ITGB3BP: variants seen among roughly 807,000 people sequenced by gnomAD.
ITGB3BP encodes the protein integrin subunit beta 3 binding protein, also known as centromere protein R.
Under a neutral mutation model 29.1 loss-of-function variants are expected in ITGB3BP, and 27 were observed. The ratio of observed to expected loss-of-function variants is 0.93; its 90% confidence interval spans 0.68 to 1.28. The LOEUF (loss-of-function observed/expected upper bound fraction) is 1.28, where lower values mean the gene tolerates loss of function less well. ITGB3BP is among the 50% of genes most tolerant of loss of function. The pLI, the probability that ITGB3BP is intolerant of heterozygous loss-of-function variation, is 0.00. For synonymous variants in ITGB3BP, 61 were observed against 61.4 expected (o/e 0.99, Z 0.03); for missense variants, 192 against 200.2 (o/e 0.96, Z 0.25).
At chr1:63,459,409 G>A (rs977794573) in intron 4 of ITGB3BP, among the ~76,000 whole-genome samples, 7 of 152,098 alleles carry the variant, frequency 4.6e-5, no homozygotes, top group African/African-American at 1.7e-4. Flanking sequence ...GCATTAAAAT[G>A]TACATAACAG....
At chr1:63,450,137 G>C (rs1220057074) in intron 7 of ITGB3BP, among the ~76,000 whole-genome samples, 1 of 151,828 alleles carries the variant, frequency 6.6e-6, no homozygotes, top group Non-Finnish European at 1.5e-5. Context: ...AAGAATACAG[G>C]AACATTGTAG....
intron 3 of ITGB3BP, among the ~76,000 whole-genome samples, chr1:63,483,245 A>G (rs939129579): frequency 1.5e-4 from 23 of 152,304 alleles, no homozygotes; most frequent in Admixed American, 3.3e-4. Flanking sequence ...TTAAAAGCTG[A>G]AAAGTATTTA....
At chr1:63,513,219 G>A (rs2100796435) in intron 1 of ITGB3BP, among the ~76,000 whole-genome samples, 2 of 152,188 alleles carry the variant, frequency 1.3e-5, no homozygotes, top group South Asian at 4.1e-4. Context: ...TTATTAGTTA[G>A]CATTACATTC....
intron 3 of ITGB3BP, 34 bp downstream of exon 3, chr1:63,490,049 C>A: frequency 1.9e-6 from 3 of 1,584,750 alleles, no homozygotes; most frequent in African/African-American, 1.4e-5. Context: ...ACTAGAAAAA[C>A]CTTACAATAA....
intron 1 of ITGB3BP, among the ~76,000 whole-genome samples, chr1:63,518,779 T>C (rs994917589): frequency 3.9e-5 from 6 of 152,264 alleles, no homozygotes; most frequent in Non-Finnish European, 8.8e-5. Context: ...TCTGTTTTTG[T>C]TCCTTTGTTC....
intron 1 of ITGB3BP, among the ~76,000 whole-genome samples, chr1:63,515,823 C>CT (rs1405993203): frequency 4.9e-5 from 3 of 61,396 alleles, no homozygotes; most frequent in African/African-American, 7.1e-5. Context: ...AAGACTCCAA[C>CT]TTAAAAAAAA....
upstream of ITGB3BP, among the ~76,000 whole-genome samples, chr1:63,525,023 T>G (rs1646560197): frequency 6.6e-6 from 1 of 152,236 alleles, no homozygotes; most frequent in South Asian, 2.1e-4. Context: ...ATCTTGTTGA[T>G]CCTGCTGTGG....
intron 4 of ITGB3BP, among the ~76,000 whole-genome samples, chr1:63,460,263 A>G (rs767239375): frequency 8.5e-5 from 13 of 152,196 alleles, no homozygotes; most frequent in Non-Finnish European, 1.6e-4. Flanking sequence ...TTCTATTACT[A>G]CAAACAGAAA....
At chr1:63,450,276 A>G (rs1347802388) in intron 7 of ITGB3BP, among the ~76,000 whole-genome samples, 1 of 151,982 alleles carries the variant, frequency 6.6e-6, no homozygotes, top group African/African-American at 2.4e-5. Flanking sequence ...TGCAACCTAC[A>G]CAATTATTCT....
intron 1 of ITGB3BP, among the ~76,000 whole-genome samples, chr1:63,520,970 C>G (rs1464569303): frequency 6.6e-6 from 1 of 152,150 alleles, no homozygotes; most frequent in Non-Finnish European, 1.5e-5. Context: ...TCCATCCGCT[C>G]TATTGTCACT....
At chr1:63,463,472 C>A (rs1645051868) in intron 4 of ITGB3BP, among the ~76,000 whole-genome samples, 1 of 152,126 alleles carries the variant, frequency 6.6e-6, no homozygotes, top group Admixed American at 6.5e-5. Context: ...TATTGTACTA[C>A]AGTTTTGTAA....
intron 4 of ITGB3BP, among the ~76,000 whole-genome samples, chr1:63,470,119 G>A (rs1024407563): frequency 6.6e-6 from 1 of 152,194 alleles, no homozygotes; most frequent in African/African-American, 2.4e-5. Flanking sequence ...AATATCTATA[G>A]AAACAATGCT....
chr1:63,466,367 A>G (rs971384797), intron 4 of ITGB3BP, among the ~76,000 whole-genome samples: 1 of 149,500 alleles, frequency 6.7e-6, no homozygotes, highest in African/African-American at 2.5e-5. Context: ...TGACGACAAC[A>G]TACGGTTAGG....
At chr1:63,453,492 C>T (rs944583655) in intron 7 of ITGB3BP, 5 of 156,594 alleles carry the variant, frequency 3.2e-5, no homozygotes, top group African/African-American at 1.2e-4. Context: ...CATAAGAGTT[C>T]ATAGTAGAAC....
At chr1:63,528,410 T>C (rs1646634224) in intron 2 of ITGB3BP, among the ~76,000 whole-genome samples, 1 of 151,602 alleles carries the variant, frequency 6.6e-6, no homozygotes, top group Non-Finnish European at 1.5e-5. Context: ...AGATAGAGAG[T>C]AAAATGATGG....
At chr1:63,512,086 C>T (rs1304910666) in intron 1 of ITGB3BP, among the ~76,000 whole-genome samples, 2 of 151,802 alleles carry the variant, frequency 1.3e-5, no homozygotes, top group Non-Finnish European at 2.9e-5. Context: ...CACCTATGCC[C>T]GTAATTTACA....
chr1:63,526,692 C>T (rs1008223413), upstream of ITGB3BP, among the ~76,000 whole-genome samples: 1 of 152,134 alleles, frequency 6.6e-6, no homozygotes, highest in African/African-American at 2.4e-5. Context: ...TTTAAAATTA[C>T]TAAAATGCTC....
At chr1:63,493,088 ACG>A (rs66981141) in intron 2 of ITGB3BP, among the ~76,000 whole-genome samples, 77 of 148,834 alleles carry the variant, frequency 5.2e-4, no homozygotes, top group African/African-American at 1.4e-3. Context: ...ACACACACAC[ACG>A]CGCGCGCGCG....
chr1:63,505,954 T>C (rs1265673502), intron 2 of ITGB3BP, among the ~76,000 whole-genome samples: 1 of 152,228 alleles, frequency 6.6e-6, no homozygotes, highest in Non-Finnish European at 1.5e-5. Context: ...AATTTTGGAA[T>C]AAGTGTGGTG....
Sources: allele counts gnomAD v4.1 joint callset (sites outside exome capture counted in the v4.1 genomes callset), GRCh38; gene constraint gnomAD v4.1.1; transcripts MANE v1.5; gene names NCBI Gene and HGNC (gene_info 2026-07-23, HGNC 2026-07-21).